Variants in UXS1 observed in about 807,000 individuals in gnomAD.
The protein encoded by UXS1 is UDP-glucuronate decarboxylase 1, also known as UDP-glucuronic acid decarboxylase 1.
Under a neutral mutation model 62.6 loss-of-function variants are expected in UXS1, and 33 were observed. The ratio of observed to expected loss-of-function variants is 0.53; its 90% CI spans 0.40 to 0.70. The LOEUF (loss-of-function observed/expected upper bound fraction) is 0.70. Ranked by LOEUF, UXS1 falls within the 30% of genes least tolerant of loss-of-function variation. The pLI is 0.00. For synonymous variants in UXS1, 213 were observed against 206.8 expected (o/e 1.03, Z -0.26); for missense variants, 434 against 556.3 (o/e 0.78, Z 2.21).
intron 1 of UXS1, among the ~76,000 whole-genome samples, chr2:106,189,238 T>C (rs1418471917): frequency 6.6e-6 from 1 of 152,176 alleles, no homozygotes; most frequent in Non-Finnish European, 1.5e-5. Flanking sequence ...ACATGCTGGA[T>C]AAAATACACC....
Position 106,164,070 on chromosome 2 carries a change from T to C in UXS1, c.187-360A>G, listed in dbSNP as rs1321442249. ...GGCCCACAAAAGCTTAACATCTTGT[T>C]TCTGCAATTACTGTGTATACTCATG... On this transcript the variant is annotated intron_variant, in intron 3 of 14. Transcript: ENST00000283148. Among the ~76,000 whole-genome samples, 48 of 152,222 alleles carry C rather than the reference T, an allele frequency of 3.2e-4. 1 individual carries two copies.
intron 2 of UXS1, 110 bp downstream of exon 2, chr2:106,165,946 T>A: frequency 9.3e-7 from 1 of 1,069,804 alleles, no homozygotes; most frequent in Middle Eastern, 2.2e-4. Flanking sequence ...AACCCACTTT[T>A]GTTTTAAAAA....
intron 1 of UXS1, among the ~76,000 whole-genome samples, chr2:106,181,249 T>G (rs953704920): frequency 3.3e-5 from 5 of 152,170 alleles, no homozygotes; most frequent in African/African-American, 1.2e-4. Flanking sequence ...TCTTCCCCGC[T>G]GCCAATCACG....
chr2:106,097,429 G>A (rs1189739176), intron 13 of UXS1: 2 of 349,580 alleles, frequency 5.7e-6, no homozygotes, highest in East Asian at 7.5e-5. Flanking sequence ...AGCCTGTGGA[G>A]GCTTTCCCTG....
At chr2:106,145,414 A>G (rs1191232324) in intron 5 of UXS1, 44 bp from the exon 6 acceptor site, 22 of 1,566,964 alleles carry the variant, frequency 1.4e-5, no homozygotes, top group Non-Finnish European at 1.7e-5. Flanking sequence ...GAAAAAGCAC[A>G]TGAGAACACA....
intron 1 of UXS1, among the ~76,000 whole-genome samples, chr2:106,173,455 G>A (rs1683687961): frequency 6.6e-6 from 1 of 152,292 alleles, no homozygotes; most frequent in African/African-American, 2.4e-5. Context: ...TCAGGAAGCT[G>A]AGGTGGGAGA....
intron 10 of UXS1, among the ~76,000 whole-genome samples, chr2:106,105,182 T>C (rs1677954977): frequency 6.6e-6 from 1 of 152,118 alleles, no homozygotes; most frequent in South Asian, 2.1e-4. Context: ...AGGTGACAGA[T>C]CTACACACAA....
chr2:106,139,802 A>G (rs1260014154), intron 6 of UXS1, among the ~76,000 whole-genome samples: 1 of 152,234 alleles, frequency 6.6e-6, no homozygotes, highest in African/African-American at 2.4e-5. Flanking sequence ...ACTAAAGACT[A>G]TAGAAACACT....
chr2:106,143,536 A>G (rs1681318231), intron 6 of UXS1, among the ~76,000 whole-genome samples: 1 of 151,800 alleles, frequency 6.6e-6, no homozygotes, highest in South Asian at 2.1e-4. Flanking sequence ...TTAGAGGCTC[A>G]AAAAATATCC....
Position 106,093,935 on chromosome 2 carries a change from T to TA in UXS1, c.*90dup, listed in dbSNP as rs1676860291. 2 of 1,452,096 alleles carry TA rather than the reference T, an allele frequency of 1.4e-6. No homozygotes were observed. Among genetic ancestry groups the TA allele is most frequent in the African/African-American group, 1.5e-5 (1 of 68,686 alleles). The allele number at this position is 1,452,096 out of a possible 1,614,324, so 90.0% of individuals were successfully genotyped here. On this transcript the variant is annotated 3_prime_UTR_variant, in exon 15 of 15. Coordinates refer to ENST00000283148, the MANE Select transcript of UXS1 (RefSeq NM_001253875.2). ...CCAGTTTGTTCTTCATGACACCTGTTAAAGTCTTTCTTTAAACGACAACAA... is the reference window on the plus strand; with the variant it reads ...CCAGTTTGTTCTTCATGACACCTGTTAAAAGTCTTTCTTTAAACGACAACAA...
chr2:106,145,921 C>T (rs1444618609), intron 5 of UXS1, among the ~76,000 whole-genome samples: 1 of 152,070 alleles, frequency 6.6e-6, no homozygotes, highest in Non-Finnish European at 1.5e-5. Flanking sequence ...AGACTAAAGC[C>T]CTAAACGCCT....
chr2:106,145,313 C>T lies in UXS1; in HGVS notation c.349G>A (p.Gly117Ser), dbSNP rs1304893886. 1 of 1,613,842 alleles carries T rather than the reference C, an allele frequency of 6.2e-7. No homozygotes were observed. Among genetic ancestry groups the T allele is most frequent in the Non-Finnish European group, 8.5e-7 (1 of 1,179,886 alleles). ...SHLTDKLMMD[G>S]HEVTVVDNFF... ...TTGTCCACCACGGTCACCTCGTGGCCGTCCATCATGAGTTTGTCAGTTAGA... is the reference window on the plus strand; with the variant it reads ...TTGTCCACCACGGTCACCTCGTGGCTGTCCATCATGAGTTTGTCAGTTAGA... The change falls in exon 6 of 15, where the codon GGC becomes AGC. Residue 117 changes from glycine to serine, a missense_variant. Around this residue, in one of 3 missense-constraint regions of UXS1, gnomAD observed 134 missense variants for 251.9 expected, o/e 0.53. Coordinates refer to ENST00000283148, the MANE Select transcript of UXS1 (RefSeq NM_001253875.2).
chr2:106,166,060 T>C lies in UXS1; in HGVS notation c.118A>G (p.Met40Val). The change falls in exon 2 of 15, where the codon ATG becomes GTG. Residue 40 changes from methionine (M) to valine (V), a missense_variant. Coordinates refer to ENST00000283148, the MANE Select transcript of UXS1 (RefSeq NM_001253875.2). ...VASVWGNFVN[M>V]SFLLNRSIQE... ...CAAGTAATTAAAAACAATTACCTCA[T>C]ATTAACGAAGTTGCCCCAAACAGCT... The C allele has an allele frequency of 1.9e-6, 3 of 1,611,636 alleles. No homozygotes were observed. Among genetic ancestry groups the C allele is most frequent in the Non-Finnish European group, 2.5e-6 (3 of 1,179,102 alleles).
At chr2:106,150,571 T>C (rs1023652451) in intron 5 of UXS1, among the ~76,000 whole-genome samples, 3 of 152,224 alleles carry the variant, frequency 2.0e-5, no homozygotes, top group African/African-American at 7.2e-5. Flanking sequence ...CCGGAAGATA[T>C]AGGCTGTAAA....
At chr2:106,166,436 T>C (rs966885631) in intron 1 of UXS1, 9 of 174,938 alleles carry the variant, frequency 5.1e-5, no homozygotes, top group African/African-American at 2.1e-4. Flanking sequence ...AGCTACTGAT[T>C]GGCCATATAT....
At chr2:106,125,185 G>A (rs1040275899) in intron 8 of UXS1, among the ~76,000 whole-genome samples, 1 of 152,194 alleles carries the variant, frequency 6.6e-6, no homozygotes, top group Non-Finnish European at 1.5e-5. Context: ...CAACAGGGGA[G>A]GCAGTCAGCG....
chr2:106,144,894 T>C (rs10181786), intron 6 of UXS1, among the ~76,000 whole-genome samples: 147,068 of 152,182 alleles, frequency 0.97, 71,230 homozygotes, highest in South Asian at 1. Context: ...GAATTTGGGG[T>C]GACACCAACA....
intron 10 of UXS1, 89 bp from the exon 11 acceptor site, chr2:106,104,926 C>G: frequency 6.6e-7 from 1 of 1,513,752 alleles, no homozygotes; most frequent in African/African-American, 1.4e-5. Context: ...ACAGTCCGAC[C>G]TTGAAACTGA....
chr2:106,102,105 C>T (rs761426005), intron 11 of UXS1: 3 of 152,174 alleles, frequency 2.0e-5, no homozygotes, highest in African/African-American at 4.8e-5. Flanking sequence ...TCTGCGTTTT[C>T]CTTTACGACA....
Sources: allele counts gnomAD v4.1 joint callset (sites outside exome capture counted in the v4.1 genomes callset), GRCh38; gene constraint gnomAD v4.1.1; regional missense constraint gnomAD v4.1.1; transcripts MANE v1.5; gene names NCBI Gene and HGNC (gene_info 2026-07-23, HGNC 2026-07-21).